The following PRDM11 variants were observed in gnomAD, a reference collection of about 807,000 sequenced individuals.
The protein encoded by PRDM11 is PR domain-containing protein 11.
PRDM11 carries 20 observed loss-of-function variants against 97.8 expected under a neutral mutation model. The observed-to-expected ratio is 0.20, with a 90% CI of 0.14 to 0.30. PRDM11 has a LOEUF of 0.30. PRDM11 is among the 10% of genes least tolerant of loss of function. The pLI is 1.00. For missense variants in PRDM11, 1,139 were observed against 1,555.2 expected, an observed-to-expected ratio of 0.73 and a Z score of 4.50; for synonymous variants, 599 against 637.7, an observed-to-expected ratio of 0.94 and a Z score of 0.91.
In PRDM11 at chr11:45,128,581, T is replaced by C. The variant is rs376495184; in HGVS notation, c.96+32680T>C. Among the ~76,000 whole-genome samples, 168 of 122,612 alleles carry C rather than the reference T, an allele frequency of 1.4e-3. No homozygotes were observed. In the Middle Eastern group the frequency reaches 0.027, roughly 20 times the overall value. The allele number at this position is 122,612 out of a possible 152,430, so 80.4% of individuals were successfully genotyped here. On this transcript the variant is annotated intron_variant, in intron 1 of 6. Coordinates refer to the PRDM11 transcript ENST00000530656. ...TGGCAACTTAGATTAAATGAACAAA[T>C]TCTTTGAAAACACAACTTACCATAT...
At chr11:45,220,724 A>G (rs1332099653) in intron 6 of PRDM11, among the ~76,000 whole-genome samples, 1 of 152,136 alleles carries the variant, frequency 6.6e-6, no homozygotes, top group African/African-American at 2.4e-5. Context: ...ATCTCTATCA[A>G]AAGAAGAAGG....
At chr11:45,097,091 ATTT>A (rs1851895908) in intron 1 of PRDM11, among the ~76,000 whole-genome samples, 3 of 152,214 alleles carry the variant, frequency 2.0e-5, no homozygotes, top group African/African-American at 7.2e-5. Context: ...AATCAAGGAT[ATTT>A]CCTGCAGCTA....
Position 45,226,250 on chromosome 11 carries a change from C to A in PRDM11, c.1625C>A (p.Thr542Asn). Reference protein sequence around the residue: ...CRQYTVQSSRTSAFIIGSKQF... With the variant: ...CRQYTVQSSRNSAFIIGSKQF... ...CAGTACACGGTGCAGTCCTCACGCA[C>A]CTCGGCCTTCATCATTGGCTCCAAG... Residue 542 changes from threonine to asparagine, a missense_variant, in exon 8 of 8, where the codon ACC becomes AAC. Physicochemically the swap from Thr to Asn is moderately conservative, Grantham distance 65. Transcript: ENST00000683152. 1 of 1,534,004 alleles carries A rather than the reference C, an allele frequency of 6.5e-7. No individual in the cohort carries two copies. The highest frequency in any genetic ancestry group is 8.7e-7 in the Non-Finnish European group (1 of 1,146,746).
At chr11:45,134,516 C>G (rs565933976) in intron 1 of PRDM11, among the ~76,000 whole-genome samples, 46 of 150,940 alleles carry the variant, frequency 3.0e-4, no homozygotes, top group African/African-American at 1.1e-3. Context: ...CTGGGCAACA[C>G]AGCAAAACCC....
intron 1 of PRDM11, among the ~76,000 whole-genome samples, chr11:45,171,894 A>G (rs1293398423): frequency 6.7e-6 from 1 of 149,226 alleles, no homozygotes. Flanking sequence ...CTCCAACCCA[A>G]CTGGGTGTCC....
chr11:45,207,445 G>A (rs1004195241), intron 5 of PRDM11, among the ~76,000 whole-genome samples: 1 of 130,752 alleles, frequency 7.6e-6, no homozygotes, highest in Non-Finnish European at 1.8e-5. Context: ...CATTTGGCAA[G>A]GCCTGGAGAC....
At chr11:45,146,539 C>A (rs1001083180), upstream of PRDM11, 7 of 152,058 alleles carry the variant, frequency 4.6e-5, no homozygotes, top group African/African-American at 7.2e-5. Context: ...CGGGAGTTTT[C>A]TCCGGGGCCG....
intron 5 of PRDM11, chr11:45,214,226 G>A (rs760913865): frequency 6.2e-6 from 1 of 160,408 alleles, no homozygotes; most frequent in Non-Finnish European, 1.4e-5. Flanking sequence ...TCATGTTGGA[G>A]TGTGGGGAGA....
At chr11:45,154,764 G>C (rs1851750015) in intron 1 of PRDM11, among the ~76,000 whole-genome samples, 1 of 152,180 alleles carries the variant, frequency 6.6e-6, no homozygotes, top group Non-Finnish European at 1.5e-5. Context: ...CAGGCAGGTT[G>C]GCTCTTAAAA....
chr11:45,172,428 G>T (rs531759144), intron 1 of PRDM11, among the ~76,000 whole-genome samples: 2 of 152,146 alleles, frequency 1.3e-5, no homozygotes, highest in African/African-American at 2.4e-5. Flanking sequence ...TATCTGGGGG[G>T]TCCCACCCTC....
At chr11:45,112,364 C>T (rs1852201531) in intron 1 of PRDM11, among the ~76,000 whole-genome samples, 1 of 152,202 alleles carries the variant, frequency 6.6e-6, no homozygotes, top group Admixed American at 6.5e-5. Context: ...AGGTTGGCTC[C>T]ATAACTTTGC....
intron 1 of PRDM11, among the ~76,000 whole-genome samples, chr11:45,096,192 C>A (rs984228696): frequency 3.3e-5 from 5 of 152,238 alleles, no homozygotes; most frequent in Non-Finnish European, 1.5e-5. Flanking sequence ...TGAGAGCAGG[C>A]ACCTGCCATG....
In PRDM11 at chr11:45,182,962, G is replaced by A; in HGVS notation, c.325G>A (p.Ala109Thr). 3 of 1,613,944 alleles carry A rather than the reference G, an allele frequency of 1.9e-6. No homozygotes were observed. The highest frequency in any genetic ancestry group is 2.5e-6 in the Non-Finnish European group (3 of 1,179,962). ...GGTGCCCGTGGGCATCCCAGACCGG[G>A]CGGCGCTCACCATCCCACAGGGCAT... ...TPVPVGIPDRAALTIPQGMEV... is the reference protein window; with the variant it reads ...TPVPVGIPDRTALTIPQGMEV... The change falls in exon 4 of 8, where the codon GCG (alanine) becomes ACG (threonine). Residue 109 changes from alanine to threonine, a missense_variant. By Grantham distance (58) the Ala-to-Thr change is moderately conservative. Around this residue, in one of 2 missense-constraint regions of PRDM11, gnomAD observed 429 missense variants for 510.3 expected, o/e 0.84. Transcript: ENST00000683152.
At chr11:45,179,930 GTGT>G (rs1852426109) in intron 1 of PRDM11, among the ~76,000 whole-genome samples, 1 of 152,112 alleles carries the variant, frequency 6.6e-6, no homozygotes, top group Non-Finnish European at 1.5e-5. Flanking sequence ...AGGGCAGCAG[GTGT>G]TCAGGGATCC....
chr11:45,121,071 A>T (rs1049616623), intron 1 of PRDM11, among the ~76,000 whole-genome samples: 2 of 152,194 alleles, frequency 1.3e-5, no homozygotes, highest in Admixed American at 6.5e-5. Flanking sequence ...AAAATAGTCG[A>T]TAAGTCAAGA....
At chr11:45,223,911 A>G (rs1854188493) in intron 6 of PRDM11, among the ~76,000 whole-genome samples, 1 of 152,188 alleles carries the variant, frequency 6.6e-6, no homozygotes, top group South Asian at 2.1e-4. Context: ...TTCTAGGGTC[A>G]TAGGAAAGAA....
At chr11:45,159,727 T>G (rs2135701065) in intron 1 of PRDM11, among the ~76,000 whole-genome samples, 1 of 152,320 alleles carries the variant, frequency 6.6e-6, no homozygotes, top group African/African-American at 2.4e-5. Context: ...TTGCCTGGGC[T>G]TAGTACTAGT....
chr11:45,188,298 C>T (rs1235408148), intron 4 of PRDM11, among the ~76,000 whole-genome samples: 1 of 152,214 alleles, frequency 6.6e-6, no homozygotes, highest in Non-Finnish European at 1.5e-5. Context: ...ATTATTCCAT[C>T]CATTGCACAG....
chr11:45,227,916 A>G lies in PRDM11; in HGVS notation c.3291A>G (p.Arg1097=), dbSNP rs1229548071. Residue 1097 remains arginine (R), a synonymous_variant, in exon 8 of 8, where the codon CGA becomes CGG. Coordinates refer to ENST00000683152, the MANE Select transcript of PRDM11 (RefSeq NM_001384648.1). The surrounding 1 kb of genome is among the most constrained non-coding windows in gnomAD (Gnocchi z 8.0). The stretch of plus-strand genomic sequence containing the variant: ...AGAAAGGCCGCAATGCCCTCCAGCG[A>G]GTTCGCAAAAACCACCGCTCCCGCC... The part of the protein sequence containing the change: ...CCEKGRNALQ[R]VRKNHRSRLT... 2.0e-6 allele frequency: 3 copies of G among 1,533,930 alleles called. No individual in the cohort carries two copies. In the Admixed American group the frequency reaches 5.9e-5, roughly 30 times the overall value.
Sources: gnomAD v4.1 joint callset for allele counts (sites outside exome capture counted in the v4.1 genomes callset) on GRCh38, gnomAD v4.1.1 for gene constraint, gnomAD v4.1.1 regional missense constraint, Gnocchi (gnomAD v3.1) non-coding constraint, MANE v1.5 for transcripts, NCBI Gene and HGNC (gene_info 2026-07-23, HGNC 2026-07-21) for gene names.